The following EPB41L4B variants were observed in gnomAD, a reference collection of about 807,000 sequenced individuals.
The protein encoded by EPB41L4B is erythrocyte membrane protein band 4.1 like 4B.
EPB41L4B carries 30 observed loss-of-function variants against 112.5 expected under a neutral mutation model. The observed-to-expected ratio is 0.27, with a 90% confidence interval of 0.20 to 0.36. The LOEUF is 0.36. EPB41L4B is among the 10% of genes least tolerant of loss of function. EPB41L4B has a pLI of 1.00. For synonymous variants in EPB41L4B, 408 were observed against 439.7 expected, an observed-to-expected ratio of 0.93 and a Z score of 0.90; for missense variants, 1,024 against 1,133.3, an observed-to-expected ratio of 0.90 and a Z score of 1.38.
intron 1 of EPB41L4B, among the ~76,000 whole-genome samples, chr9:109,301,526 T>C (rs1032339878): frequency 1.3e-5 from 2 of 152,178 alleles, no homozygotes; most frequent in East Asian, 1.9e-4. Flanking sequence ...TGAGCTTCCC[T>C]ACCCCCGAGG....
At chr9:109,209,669 T>A (rs1267898396) in intron 17 of EPB41L4B, among the ~76,000 whole-genome samples, 1 of 151,750 alleles carries the variant, frequency 6.6e-6, no homozygotes, top group Non-Finnish European at 1.5e-5. Flanking sequence ...AAGATGCTGT[T>A]TATAAAAAGA....
intron 24 of EPB41L4B, among the ~76,000 whole-genome samples, chr9:109,177,550 G>A (rs1276376197): frequency 1.3e-5 from 2 of 152,138 alleles, no homozygotes; most frequent in Admixed American, 6.5e-5. Flanking sequence ...GGCCGGGCAC[G>A]GTGGCTCACA....
At chr9:109,312,201 A>G (rs1837437689) in intron 1 of EPB41L4B, among the ~76,000 whole-genome samples, 1 of 152,246 alleles carries the variant, frequency 6.6e-6, no homozygotes, top group African/African-American at 2.4e-5. Context: ...ATGTATACAA[A>G]AGCACAAAGA....
Position 109,174,410 on chromosome 9 carries a change from C to G in EPB41L4B, c.*144G>C, listed in dbSNP as rs1169191369. 21 of 721,778 alleles carry G rather than the reference C, an allele frequency of 2.9e-5. No individual in the cohort carries two copies. Among genetic ancestry groups the G allele is most frequent in the Non-Finnish European group, 4.7e-5 (19 of 407,876 alleles). 44.7% of individuals were successfully genotyped at this position (721,778 alleles called of 1,614,324 possible). A position where few individuals can be genotyped will look rare whatever the true frequency, so the allele number is the denominator to read the frequency against. ...AATAACTTTTCCCATAAAAGTCAAG[C>G]CAGAAATTGGCTTCAACTAACCATG... On this transcript the variant is annotated 3_prime_UTR_variant, in exon 26 of 26. Transcript: ENST00000374566.
intron 15 of EPB41L4B, among the ~76,000 whole-genome samples, chr9:109,235,994 T>A (rs902598168): frequency 6.6e-6 from 1 of 152,226 alleles, no homozygotes; most frequent in Non-Finnish European, 1.5e-5. Flanking sequence ...ATCAGAGAAC[T>A]ATGGGGCTCT....
chr9:109,311,946 C>T (rs1364377752), intron 1 of EPB41L4B, among the ~76,000 whole-genome samples: 2 of 152,156 alleles, frequency 1.3e-5, no homozygotes, highest in East Asian at 3.9e-4. Flanking sequence ...ATTCTGCATG[C>T]CTTGGAGATG....
chr9:109,220,457 A>C (rs917831759), intron 15 of EPB41L4B, among the ~76,000 whole-genome samples: 4 of 152,230 alleles, frequency 2.6e-5, no homozygotes, highest in African/African-American at 9.6e-5. Context: ...GAGAGACTCC[A>C]GTATCTCTCT....
At chr9:109,262,668 A>G (rs1205461147) in intron 6 of EPB41L4B, among the ~76,000 whole-genome samples, 2 of 152,172 alleles carry the variant, frequency 1.3e-5, no homozygotes, top group African/African-American at 4.8e-5. Flanking sequence ...TGCTGACTGC[A>G]TGAAATTCTT....
chr9:109,251,452 G>C (rs765914102), intron 13 of EPB41L4B, 29 bp downstream of exon 13: 1 of 1,602,990 alleles, frequency 6.2e-7, no homozygotes, highest in Admixed American at 1.7e-5. Context: ...AGAGAGGAGA[G>C]CTGTGCTCTA....
intron 24 of EPB41L4B, among the ~76,000 whole-genome samples, chr9:109,177,549 C>T (rs1438033800): frequency 6.6e-6 from 1 of 152,114 alleles, no homozygotes; most frequent in Non-Finnish European, 1.5e-5. Flanking sequence ...AGGCCGGGCA[C>T]GGTGGCTCAC....
chr9:109,267,420 G>T, intron 4 of EPB41L4B, 53 bp downstream of exon 4: 3 of 1,145,518 alleles, frequency 2.6e-6, no homozygotes, highest in South Asian at 2.6e-5. Context: ...AGCCATAAAT[G>T]ACATGTAAGG....
At chr9:109,237,247 A>G (rs1834179102) in intron 15 of EPB41L4B, among the ~76,000 whole-genome samples, 2 of 152,220 alleles carry the variant, frequency 1.3e-5, no homozygotes, top group Non-Finnish European at 2.9e-5. Context: ...GTAGACCAAT[A>G]AACGAAATAG....
intron 1 of EPB41L4B, among the ~76,000 whole-genome samples, chr9:109,307,619 C>G (rs754928970): frequency 1.3e-5 from 2 of 152,224 alleles, no homozygotes; most frequent in Non-Finnish European, 2.9e-5. Context: ...CAGGCCCCAG[C>G]AGGCAAGAGC....
intron 1 of EPB41L4B, among the ~76,000 whole-genome samples, chr9:109,288,342 G>A (rs1836379185): frequency 6.6e-6 from 1 of 152,114 alleles, no homozygotes; most frequent in South Asian, 2.1e-4. Flanking sequence ...CAATAGTTTG[G>A]GAGGCCAAGG....
intron 15 of EPB41L4B, among the ~76,000 whole-genome samples, chr9:109,235,039 G>A (rs1490594979): frequency 2.0e-5 from 3 of 152,206 alleles, no homozygotes; most frequent in Non-Finnish European, 4.4e-5. Context: ...CCAAGCCTCT[G>A]AGTCCCAATC....
intron 15 of EPB41L4B, among the ~76,000 whole-genome samples, chr9:109,236,947 T>C (rs1191687629): frequency 6.6e-6 from 1 of 152,190 alleles, no homozygotes. Flanking sequence ...AGCCAGGGAA[T>C]TGATTTACAA....
At chr9:109,306,934 C>T (rs1378309175) in intron 1 of EPB41L4B, among the ~76,000 whole-genome samples, 2 of 152,052 alleles carry the variant, frequency 1.3e-5, no homozygotes, top group African/African-American at 4.8e-5. Flanking sequence ...CCTAAATGAG[C>T]TCCTTTAGAG....
chr9:109,304,909 G>A (rs1588231812), intron 1 of EPB41L4B, among the ~76,000 whole-genome samples: 2 of 152,220 alleles, frequency 1.3e-5, no homozygotes, highest in East Asian at 3.9e-4. Context: ...GGCTCAACAG[G>A]TAGAGGGTTT....
At chr9:109,224,115 G>C (rs1833683844) in intron 15 of EPB41L4B, among the ~76,000 whole-genome samples, 1 of 152,206 alleles carries the variant, frequency 6.6e-6, no homozygotes, top group African/African-American at 2.4e-5. Context: ...AGTGCAGCCA[G>C]TTTGAAAAAC....
Sources: allele counts gnomAD v4.1 joint callset (sites outside exome capture counted in the v4.1 genomes callset), GRCh38; gene constraint gnomAD v4.1.1; transcripts MANE v1.5; gene names NCBI Gene and HGNC (gene_info 2026-07-23, HGNC 2026-07-21).